TRIM44: variants seen among roughly 807,000 people sequenced by gnomAD.
The protein encoded by TRIM44 is tripartite motif-containing protein 44.
TRIM44 carries 13 observed loss-of-function variants against 37.4 expected under a neutral mutation model. The ratio of observed to expected loss-of-function variants is 0.35; its 90% CI spans 0.23 to 0.55. The LOEUF is 0.55. Among genes scored for constraint, TRIM44 ranks in the 20% least tolerant of loss-of-function variants. The pLI is 0.89. For missense variants in TRIM44, 426 were observed against 437.2 expected, an observed-to-expected ratio of 0.97 and a Z score of 0.23; for synonymous variants, 175 against 157.2, an observed-to-expected ratio of 1.11 and a Z score of -0.85.
intron 2 of TRIM44, among the ~76,000 whole-genome samples, chr11:35,724,675 G>A (rs1320901517): frequency 6.6e-6 from 1 of 152,118 alleles, no homozygotes; most frequent in African/African-American, 2.4e-5. Flanking sequence ...TATGCCCTAA[G>A]CATAAATATA....
intron 4 of TRIM44, among the ~76,000 whole-genome samples, chr11:35,758,807 TA>T (rs1852683693): frequency 6.6e-6 from 1 of 152,228 alleles, no homozygotes; most frequent in Non-Finnish European, 1.5e-5. Flanking sequence ...TTCTTTTCTT[TA>T]AGAATGTTGA....
At chr11:35,722,339 G>A (rs1852119997) in intron 2 of TRIM44, among the ~76,000 whole-genome samples, 1 of 152,176 alleles carries the variant, frequency 6.6e-6, no homozygotes, top group African/African-American at 2.4e-5. Context: ...TAGGGGTCCT[G>A]ACCCAGACCC....
rs187514903 is a variant in TRIM44, at chr11:35,812,764, A to C, written c.*6379A>C. ...TGGGGCAAAGGAGTTTGCCTTTTGC[A>C]AAGAAGGTCTTGCTTTGTATAGCCT... On this transcript the variant is annotated 3_prime_UTR_variant, in exon 5 of 5. Transcript: ENST00000299413. 1 of 152,354 alleles carries C rather than the reference A, an allele frequency of 6.6e-6. No individual in the cohort carries two copies. The highest frequency in any genetic ancestry group is 1.9e-4 in the East Asian group (1 of 5,188). The allele number at this position is 152,354 out of a possible 1,614,324, so 9.4% of individuals were successfully genotyped here. A position where few individuals can be genotyped will look rare whatever the true frequency, so the allele number is the denominator to read the frequency against.
chr11:35,696,098 T>C (rs1851693776), intron 2 of TRIM44, among the ~76,000 whole-genome samples: 1 of 152,020 alleles, frequency 6.6e-6, no homozygotes, highest in Non-Finnish European at 1.5e-5. Context: ...AATTCCAGGT[T>C]ACCGTAAGTC....
chr11:35,740,384 C>G (rs961040504), intron 4 of TRIM44, among the ~76,000 whole-genome samples: 1 of 152,026 alleles, frequency 6.6e-6, no homozygotes, highest in African/African-American at 2.4e-5. Flanking sequence ...CCCTTAAACT[C>G]TTGTGCTTAG....
chr11:35,681,790 A>G (rs1404475364), intron 1 of TRIM44, among the ~76,000 whole-genome samples: 2 of 152,082 alleles, frequency 1.3e-5, no homozygotes, highest in Admixed American at 1.3e-4. Flanking sequence ...GGAACAAATG[A>G]GGATATAATC....
chr11:35,673,250 G>A (rs1851420214), intron 1 of TRIM44, among the ~76,000 whole-genome samples: 1 of 152,196 alleles, frequency 6.6e-6, no homozygotes, highest in South Asian at 2.1e-4. Flanking sequence ...AGGCATCTCT[G>A]AGCATATGAT....
At position 35,811,163 on chromosome 11, in the gene TRIM44, T is replaced by A. The variant is rs1853523880; in HGVS notation, c.*4778T>A. 1 of 152,144 alleles carries A rather than the reference T, an allele frequency of 6.6e-6. No homozygotes were observed. The highest frequency in any genetic ancestry group is 1.5e-5 in the Non-Finnish European group (1 of 68,028). The allele number at this position is 152,144 out of a possible 1,614,324, so 9.4% of individuals were successfully genotyped here. A position where few individuals can be genotyped will look rare whatever the true frequency, so the allele number is the denominator to read the frequency against. Reference sequence around the variant, plus strand: ...AGATGATGGTGTTTTGGTTACTAGATGTGGGAGTCTAATTTACTCCTGACT... The same window carrying A: ...AGATGATGGTGTTTTGGTTACTAGAAGTGGGAGTCTAATTTACTCCTGACT... On this transcript the variant is annotated 3_prime_UTR_variant, in exon 5 of 5. Coordinates refer to ENST00000299413, the MANE Select transcript of TRIM44 (RefSeq NM_017583.6).
chr11:35,770,253 A>G (rs10836444), intron 4 of TRIM44, among the ~76,000 whole-genome samples: 6,328 of 152,270 alleles, frequency 0.042, 328 homozygotes, highest in East Asian at 0.14. Context: ...TTTTATGACT[A>G]CATAGTATTC....
intron 4 of TRIM44, among the ~76,000 whole-genome samples, chr11:35,755,095 G>C (rs1406392044): frequency 6.6e-6 from 1 of 152,188 alleles, no homozygotes; most frequent in African/African-American, 2.4e-5. Context: ...CTTCCACAGT[G>C]GTTGGACTAG....
At chr11:35,775,143 A>G (rs898961282) in intron 4 of TRIM44, among the ~76,000 whole-genome samples, 13 of 151,992 alleles carry the variant, frequency 8.6e-5, no homozygotes, top group Admixed American at 3.3e-4. Context: ...CTTTTATTTC[A>G]TTGAGCAGTG....
At chr11:35,739,194 A>G (rs981346133) in intron 4 of TRIM44, among the ~76,000 whole-genome samples, 1 of 152,198 alleles carries the variant, frequency 6.6e-6, no homozygotes, top group Admixed American at 6.5e-5. Context: ...ACAGTTCATT[A>G]TGTCCAAAGT....
intron 1 of TRIM44, among the ~76,000 whole-genome samples, chr11:35,672,373 T>C (rs1384391142): frequency 3.3e-5 from 5 of 152,302 alleles, no homozygotes; most frequent in African/African-American, 1.2e-4. Context: ...TAATGTGTCA[T>C]GTCCTGTGGT....
At chr11:35,726,965 G>T (rs1202339245) in intron 3 of TRIM44, among the ~76,000 whole-genome samples, 2 of 151,730 alleles carry the variant, frequency 1.3e-5, no homozygotes, top group African/African-American at 4.8e-5. Context: ...TTTGAGACCA[G>T]CCTGGGCAAC....
At chr11:35,757,696 G>A (rs1852664077) in intron 4 of TRIM44, among the ~76,000 whole-genome samples, 1 of 152,166 alleles carries the variant, frequency 6.6e-6, no homozygotes. Context: ...CTGGTATGCT[G>A]TGTCTTTGTT....
intron 1 of TRIM44, among the ~76,000 whole-genome samples, chr11:35,667,191 A>G (rs1158025637): frequency 6.6e-6 from 1 of 152,180 alleles, no homozygotes; most frequent in South Asian, 2.1e-4. Context: ...TGGTTATTTA[A>G]TATCAAATGC....
chr11:35,731,152 G>A (rs931637867), intron 3 of TRIM44, among the ~76,000 whole-genome samples: 1 of 152,094 alleles, frequency 6.6e-6, no homozygotes, highest in Non-Finnish European at 1.5e-5. Context: ...GGTAAAAGTG[G>A]ACATCCTTGC....
At chr11:35,673,716 T>C (rs1221627950) in intron 1 of TRIM44, among the ~76,000 whole-genome samples, 2 of 152,132 alleles carry the variant, frequency 1.3e-5, no homozygotes, top group Non-Finnish European at 2.9e-5. Flanking sequence ...TTCATAGGCA[T>C]TTTATGCTGT....
chr11:35,690,341 C>A (rs533012953), intron 2 of TRIM44, among the ~76,000 whole-genome samples: 3 of 152,314 alleles, frequency 2.0e-5, no homozygotes, highest in East Asian at 1.9e-4. Flanking sequence ...GGAACACAGC[C>A]TAGTCCTTCA....
Sources: gnomAD v4.1 joint callset for allele counts (sites outside exome capture counted in the v4.1 genomes callset) on GRCh38, gnomAD v4.1.1 for gene constraint, MANE v1.5 for transcripts, NCBI Gene and HGNC (gene_info 2026-07-23, HGNC 2026-07-21) for gene names.